GABBR2: variants seen among roughly 807,000 people sequenced by gnomAD.
GABBR2 encodes gamma-aminobutyric acid type B receptor subunit 2.
Under a neutral mutation model 105.6 loss-of-function variants are expected in GABBR2, and 23 were observed. The ratio of observed to expected loss-of-function variants is 0.22; its 90% confidence interval spans 0.16 to 0.31. GABBR2 has a LOEUF of 0.31. Among genes scored for constraint, GABBR2 ranks in the 10% least tolerant of loss-of-function variants. The pLI is 1.00. For synonymous variants in GABBR2, 478 were observed against 499.7 expected (o/e 0.96, Z 0.58); for missense variants, 734 against 1,245.5 (o/e 0.59, Z 6.18).
intron 1 of GABBR2, among the ~76,000 whole-genome samples, chr9:98,626,427 TG>T (rs1829737667): frequency 6.6e-6 from 1 of 152,216 alleles, no homozygotes; most frequent in African/African-American, 2.4e-5. Context: ...TCAGAAAAGC[TG>T]TTATTTTTTT....
chr9:98,673,565 G>A (rs1252749325), intron 1 of GABBR2, among the ~76,000 whole-genome samples: 9 of 141,906 alleles, frequency 6.3e-5, no homozygotes, highest in Admixed American at 2.2e-4. Flanking sequence ...GAATATGTAC[G>A]AGAAAACGTT....
chr9:98,585,003 A>G (rs1588239425), intron 1 of GABBR2, among the ~76,000 whole-genome samples: 1 of 152,132 alleles, frequency 6.6e-6, no homozygotes, highest in East Asian at 1.9e-4. Context: ...ACTCCGAGAG[A>G]TGTCTTCAGG....
chr9:98,612,150 T>G lies in GABBR2; in HGVS notation c.322-34078A>C, dbSNP rs188121948. Among the ~76,000 whole-genome samples the G allele has an allele frequency of 1.1e-4, 16 of 152,252 alleles. No homozygotes were observed. The East Asian group carries it at 2.5e-3, about 24-fold the overall frequency. ...GCAGAGCCTGTAACTGTTCAGCCAGTAGAAGGGCCCCCTCAGGCCCAGCAT... is the reference window on the plus strand; with the variant it reads ...GCAGAGCCTGTAACTGTTCAGCCAGGAGAAGGGCCCCCTCAGGCCCAGCAT... On this transcript the variant is annotated intron_variant, in intron 1 of 18. Transcript: ENST00000259455.
intron 1 of GABBR2, among the ~76,000 whole-genome samples, chr9:98,626,015 C>T (rs926155286): frequency 2.0e-5 from 3 of 152,144 alleles, no homozygotes; most frequent in African/African-American, 7.2e-5. Flanking sequence ...CATAGGGAGG[C>T]CCTGGGAGAA....
intron 2 of GABBR2, 72 bp downstream of exon 2, chr9:98,577,863 G>A: frequency 6.9e-7 from 1 of 1,440,264 alleles, no homozygotes; most frequent in Non-Finnish European, 9.5e-7. Flanking sequence ...ATTGTACAAG[G>A]AATAATTCCT....
At chr9:98,351,590 G>A (rs957893275) in intron 13 of GABBR2, among the ~76,000 whole-genome samples, 1 of 152,154 alleles carries the variant, frequency 6.6e-6, no homozygotes, top group Non-Finnish European at 1.5e-5. Context: ...GCTTGATCTA[G>A]TCTATTTTTG....
intron 1 of GABBR2, among the ~76,000 whole-genome samples, chr9:98,642,242 C>T (rs967447317): frequency 6.6e-6 from 1 of 152,210 alleles, no homozygotes; most frequent in Non-Finnish European, 1.5e-5. Context: ...CCCCACGCTT[C>T]CTCCTCTCCT....
chr9:98,630,471 G>A (rs945104134), intron 1 of GABBR2, among the ~76,000 whole-genome samples: 4 of 152,172 alleles, frequency 2.6e-5, no homozygotes, highest in African/African-American at 7.2e-5. Flanking sequence ...GACTGACACA[G>A]GCATTGTGAG....
At chr9:98,689,729 C>A (rs1476100864) in intron 1 of GABBR2, among the ~76,000 whole-genome samples, 2 of 152,316 alleles carry the variant, frequency 1.3e-5, no homozygotes, top group East Asian at 3.9e-4. Flanking sequence ...TATGTTCTTC[C>A]TAACGCTATT....
At chr9:98,407,776 C>T (rs1832516471) in intron 7 of GABBR2, among the ~76,000 whole-genome samples, 1 of 152,160 alleles carries the variant, frequency 6.6e-6, no homozygotes, top group African/African-American at 2.4e-5. Context: ...GAATGGTATT[C>T]AAAGCTTCCA....
At chr9:98,451,487 G>A (rs1826228451) in intron 7 of GABBR2, among the ~76,000 whole-genome samples, 3 of 152,062 alleles carry the variant, frequency 2.0e-5, no homozygotes, top group South Asian at 2.1e-4. Context: ...TTTGGAAATC[G>A]ACTTCATTTG....
At chr9:98,441,001 G>A (rs1564070149) in intron 7 of GABBR2, among the ~76,000 whole-genome samples, 1 of 152,186 alleles carries the variant, frequency 6.6e-6, no homozygotes, top group East Asian at 1.9e-4. Context: ...ATAGGATCTG[G>A]ATATATCTCT....
At chr9:98,400,904 A>G (rs957229291) in intron 8 of GABBR2, among the ~76,000 whole-genome samples, 1 of 144,934 alleles carries the variant, frequency 6.9e-6, no homozygotes, top group African/African-American at 2.8e-5. Flanking sequence ...TAAAGGAGGG[A>G]AATAAGGGGG....
At chr9:98,427,630 T>TA (rs1825721826) in intron 7 of GABBR2, among the ~76,000 whole-genome samples, 1 of 152,200 alleles carries the variant, frequency 6.6e-6, no homozygotes, top group African/African-American at 2.4e-5. Context: ...AGGATATGTC[T>TA]AGAGAAATGG....
At chr9:98,507,509 C>A (rs1453570858) in intron 3 of GABBR2, among the ~76,000 whole-genome samples, 1 of 152,128 alleles carries the variant, frequency 6.6e-6, no homozygotes, top group East Asian at 1.9e-4. Flanking sequence ...ATCAAGAACA[C>A]CTTGATATTG....
rs752489353 is a variant in GABBR2, at chr9:98,306,171, C to T, written c.2179G>A (p.Val727Ile). 2 of 1,614,186 alleles carry T rather than the reference C, an allele frequency of 1.2e-6. No homozygotes were observed. The highest frequency in any genetic ancestry group is 4.5e-5 in the East Asian group (2 of 44,888). ...GTGATGGTGCTGCAGAAGATGATGA[C>T]CAGAGCCACGATGCAGAACTGCACA... is the stretch of plus-strand genomic sequence containing the variant. ...PNVQFCIVAL[V>I]IIFCSTITLC... The change falls in exon 15 of 19, where the codon GTC (valine) becomes ATC (isoleucine). Residue 727 changes from valine to isoleucine, a missense_variant. Val to Ile is a conservative substitution (Grantham distance 29). This residue lies in a region of GABBR2 where 91 missense variants were observed against 185.9 expected (regional missense o/e 0.49). Transcript: ENST00000259455. The surrounding 1 kb of genome is among the most constrained non-coding windows in gnomAD (Gnocchi z 5.4).
At chr9:98,597,622 A>C (rs147044334) in intron 1 of GABBR2, among the ~76,000 whole-genome samples, 1 of 152,082 alleles carries the variant, frequency 6.6e-6, no homozygotes, top group Non-Finnish European at 1.5e-5. Flanking sequence ...TGGTGGTTGG[A>C]GGGCTCAAGG....
chr9:98,468,866 T>C (rs1826610327), intron 6 of GABBR2, among the ~76,000 whole-genome samples: 2 of 152,008 alleles, frequency 1.3e-5, no homozygotes, highest in Admixed American at 6.6e-5. Context: ...AAGAGCTGAT[T>C]TGGATGTGTC....
In GABBR2 at chr9:98,290,561, C is replaced by T; in HGVS notation, c.*23G>A. The T allele has an allele frequency of 2.2e-6, 3 of 1,353,230 alleles. No homozygotes were observed. The highest frequency in any genetic ancestry group is 2.9e-6 in the Non-Finnish European group (3 of 1,048,272). 83.8% of individuals were successfully genotyped at this position (1,353,230 alleles called of 1,614,324 possible). On this transcript the variant is annotated 3_prime_UTR_variant, in exon 19 of 19. Coordinates refer to ENST00000259455, the MANE Select transcript of GABBR2 (RefSeq NM_005458.8). ...CAGTGTGGTTCTGTCACGGGGGAGG[C>T]CCCGGGCCCAGGCCTCCCACCCTTA...
Sources: gnomAD v4.1 joint callset for allele counts (sites outside exome capture counted in the v4.1 genomes callset) on GRCh38, gnomAD v4.1.1 for gene constraint, gnomAD v4.1.1 regional missense constraint, Gnocchi (gnomAD v3.1) non-coding constraint, MANE v1.5 for transcripts, NCBI Gene and HGNC (gene_info 2026-07-23, HGNC 2026-07-21) for gene names.